RASSF3: variants seen among roughly 807,000 people sequenced by gnomAD.
The protein encoded by RASSF3 is ras association domain-containing protein 3.
Under a neutral mutation model 19.9 loss-of-function variants are expected in RASSF3, and 19 were observed. The ratio of observed to expected loss-of-function variants is 0.96; its 90% CI spans 0.67 to 1.40. RASSF3 has a LOEUF of 1.40. Among genes scored for constraint, RASSF3 ranks in the 40% most tolerant of loss-of-function variants. The pLI, the probability that RASSF3 is intolerant of heterozygous loss-of-function variation, is 0.00. For synonymous variants in RASSF3, 110 were observed against 104.2 expected (o/e 1.06, Z -0.34); for missense variants, 306 against 289.8 (o/e 1.06, Z -0.41).
rs530445645 is a variant in RASSF3, at chr12:64,684,674, G to A, written c.112-113G>A. ...TTGAACTCCCAACCTCAGGTGATCC[G>A]CCCACCTCAGCCTCCCAAAGTGCTG... On this transcript the variant is annotated intron_variant, in intron 1 of 4. Transcript: ENST00000542104. 16 of 664,666 alleles carry A rather than the reference G, an allele frequency of 2.4e-5. No individual in the cohort carries two copies. The Admixed American group carries it at 2.6e-4, about 11-fold the overall frequency. 41.2% of individuals were successfully genotyped at this position (664,666 alleles called of 1,614,324 possible).
At chr12:64,614,605 C>G (rs1244533277) in intron 1 of RASSF3, among the ~76,000 whole-genome samples, 1 of 151,950 alleles carries the variant, frequency 6.6e-6, no homozygotes, top group East Asian at 1.9e-4. Flanking sequence ...TATTTTGTTA[C>G]TTTTTAGCTA....
intron 1 of RASSF3, among the ~76,000 whole-genome samples, chr12:64,674,496 G>A (rs1378587387): frequency 1.3e-5 from 2 of 152,160 alleles, no homozygotes; most frequent in African/African-American, 4.8e-5. Flanking sequence ...TAGGAGGATC[G>A]CTTGAGCCTG....
At chr12:64,533,087 G>C (rs1236457531), upstream of RASSF3, among the ~76,000 whole-genome samples, 1 of 152,156 alleles carries the variant, frequency 6.6e-6, no homozygotes, top group East Asian at 1.9e-4. Flanking sequence ...CCTGTGAGCA[G>C]AGCTGCTGAG....
At chr12:64,684,411 A>G (rs1230010570) in intron 1 of RASSF3, among the ~76,000 whole-genome samples, 3 of 141,630 alleles carry the variant, frequency 2.1e-5, no homozygotes, top group African/African-American at 7.9e-5. Context: ...AAAAATCCTG[A>G]CTTATCTGTT....
intron 1 of RASSF3, among the ~76,000 whole-genome samples, chr12:64,635,748 T>C (rs1871308605): frequency 6.6e-6 from 1 of 152,096 alleles, no homozygotes; most frequent in African/African-American, 2.4e-5. Context: ...TGTTGTGTTA[T>C]TGAAGATGAG....
At chr12:64,567,582 G>A (rs1869451269) in intron 2 of RASSF3, among the ~76,000 whole-genome samples, 1 of 152,210 alleles carries the variant, frequency 6.6e-6, no homozygotes, top group Non-Finnish European at 1.5e-5. Context: ...CAGCCATGAG[G>A]TGGAAGGAGC....
At chr12:64,655,165 G>A (rs936206553) in intron 1 of RASSF3, 1 of 152,208 alleles carries the variant, frequency 6.6e-6, no homozygotes. Flanking sequence ...TTAAATCCAT[G>A]TAATGCTCAT....
Position 64,637,637 on chromosome 12 carries a change from C to T in RASSF3, c.111+26894C>T, listed in dbSNP as rs563133260. On this transcript the variant is annotated intron_variant, in intron 1 of 4. Transcript: ENST00000542104. ...TAGAGACAGGGTTTCACCATGTTGGCCAGGCTGGTCTTGAGCTGCTGGCCT... is the reference window on the plus strand; with the variant it reads ...TAGAGACAGGGTTTCACCATGTTGGTCAGGCTGGTCTTGAGCTGCTGGCCT... Among the ~76,000 whole-genome samples the T allele has an allele frequency of 2.0e-5, 3 of 151,544 alleles. No individual in the cohort carries two copies. The East Asian group carries it at 5.9e-4, about 30-fold the overall frequency.
intron 2 of RASSF3, among the ~76,000 whole-genome samples, chr12:64,589,429 A>G (rs1380128154): frequency 6.6e-6 from 1 of 151,998 alleles, no homozygotes; most frequent in East Asian, 1.9e-4. Flanking sequence ...CAGCCTGGGC[A>G]ACAGAGTGAG....
intron 2 of RASSF3, among the ~76,000 whole-genome samples, chr12:64,601,045 T>G (rs1191075090): frequency 1.3e-5 from 2 of 152,166 alleles, no homozygotes; most frequent in African/African-American, 4.8e-5. Context: ...CCGAACACTT[T>G]GGGAGGCCAC....
downstream of RASSF3, among the ~76,000 whole-genome samples, chr12:64,542,856 G>GTGTGT (rs1868957027): frequency 3.9e-5 from 6 of 152,314 alleles, no homozygotes; most frequent in South Asian, 1.2e-3. Context: ...TCAGCCCGCC[G>GTGTGT]CTGCACTGTG....
At chr12:64,523,882 T>A (rs912049708) in intron 1 of RASSF3, among the ~76,000 whole-genome samples, 1 of 151,848 alleles carries the variant, frequency 6.6e-6, no homozygotes, top group Non-Finnish European at 1.5e-5. Context: ...AAGGGACAAA[T>A]GTTTTCAATA....
intron 1 of RASSF3, among the ~76,000 whole-genome samples, chr12:64,641,414 A>ACACACACACGCGCGCGCGCGCGCGCGCG: frequency 7.0e-6 from 1 of 142,100 alleles, no homozygotes; most frequent in African/African-American, 2.8e-5. Context: ...ACACACACAC[A>ACACACACACGCGCGCGCGCGCGCGCGCG]CGCGCGCGCG....
intron 2 of RASSF3, among the ~76,000 whole-genome samples, chr12:64,588,957 A>G (rs1437651607): frequency 6.6e-6 from 1 of 152,202 alleles, no homozygotes; most frequent in Non-Finnish European, 1.5e-5. Flanking sequence ...TCTAATTCCT[A>G]TAATTTTTCA....
chr12:64,684,890 C>T lies in RASSF3; in HGVS notation c.215C>T (p.Thr72Ile). 1.3e-6 allele frequency: 2 copies of T among 1,584,012 alleles called. No homozygotes were observed. Among genetic ancestry groups the T allele is most frequent in the Non-Finnish European group, 1.7e-6 (2 of 1,152,978 alleles). The change falls in exon 2 of 5, where the codon ACC (threonine) becomes ATC (isoleucine). Residue 72 changes from threonine (T) to isoleucine (I), a missense_variant. Physicochemically the swap from Thr to Ile is moderately conservative, Grantham distance 89. Coordinates refer to ENST00000542104, the MANE Select transcript of RASSF3 (RefSeq NM_178169.4). ...NLAVTDKLKM[T>I]LNSNGIYTGF... ...GCAGTCACAGACAAGTTGAAGATGA[C>T]CTTGGTAAGCACTCAAAATACTATT...
Position 64,687,855 on chromosome 12 carries a change from A to G in RASSF3, c.220-361A>G, listed in dbSNP as rs551118803. ...AGCCTAGACATATCCCCCAAGCTTT[A>G]ATAAGTTTTGTGGTTTGGCTAGCAT... On this transcript the variant is annotated intron_variant, in intron 2 of 4. Transcript: ENST00000542104. Among the ~76,000 whole-genome samples, 9 of 152,060 alleles carry G rather than the reference A, an allele frequency of 5.9e-5. 1 individual carries two copies. Among genetic ancestry groups the G allele is most frequent in the Admixed American group, 6.6e-5 (1 of 15,266 alleles).
At chr12:64,623,553 T>A (rs1042580422) in intron 1 of RASSF3, among the ~76,000 whole-genome samples, 1 of 152,236 alleles carries the variant, frequency 6.6e-6, no homozygotes, top group African/African-American at 2.4e-5. Flanking sequence ...AAGGTCTGTT[T>A]CTGTTTGTTC....
rs144823962 is a variant in RASSF3 at position 64,556,930 on chromosome 12, G to A, written c.294+15225G>A. ...CAGCTCACTGCAACCTCTGCTTCCCGGGTTCAAGCGATTCTCCTGCCTCAG... is the reference window on the plus strand; with the variant it reads ...CAGCTCACTGCAACCTCTGCTTCCCAGGTTCAAGCGATTCTCCTGCCTCAG... On this transcript the variant is annotated intron_variant, in intron 2 of 5. Coordinates refer to the RASSF3 transcript ENST00000637125. Among the ~76,000 whole-genome samples, 361 of 149,422 alleles carry A rather than the reference G, an allele frequency of 2.4e-3. 2 individuals carry two copies. Among genetic ancestry groups the A allele is most frequent in the African/African-American group, 8.5e-3 (343 of 40,336 alleles).
At chr12:64,597,121 C>A (rs1870010310) in intron 2 of RASSF3, among the ~76,000 whole-genome samples, 1 of 151,834 alleles carries the variant, frequency 6.6e-6, no homozygotes, top group Middle Eastern at 3.4e-3. Context: ...AATTTTTCTC[C>A]ATTTTATTTT....
Sources: gnomAD v4.1 joint callset for allele counts (sites outside exome capture counted in the v4.1 genomes callset) on GRCh38, gnomAD v4.1.1 for gene constraint, MANE v1.5 for transcripts, NCBI Gene and HGNC (gene_info 2026-07-23, HGNC 2026-07-21) for gene names.